MBNL2: variants seen among roughly 807,000 people sequenced by gnomAD.
The protein encoded by MBNL2 is muscleblind-like protein 2.
MBNL2 carries 17 observed loss-of-function variants against 41.9 expected under a neutral mutation model. The observed-to-expected ratio is 0.41, with a 90% confidence interval of 0.28 to 0.61. MBNL2 has a LOEUF of 0.61. Ranked by LOEUF, MBNL2 falls within the 20% of genes least tolerant of loss-of-function variation. MBNL2 has a pLI of 0.35. For synonymous variants in MBNL2, 195 were observed against 182.9 expected, an observed-to-expected ratio of 1.07 and a Z score of -0.53; for missense variants, 336 against 505.6, an observed-to-expected ratio of 0.66 and a Z score of 3.22.
intron 2 of MBNL2, among the ~76,000 whole-genome samples, chr13:97,322,492 G>A (rs772821803): frequency 6.6e-6 from 1 of 152,180 alleles, no homozygotes; most frequent in Non-Finnish European, 1.5e-5. Context: ...AATTGAATAT[G>A]TCATAAGTTG....
At chr13:97,319,169 G>T (rs966247804) in intron 2 of MBNL2, among the ~76,000 whole-genome samples, 2 of 152,148 alleles carry the variant, frequency 1.3e-5, no homozygotes, top group African/African-American at 4.8e-5. Flanking sequence ...CCTTGAACTT[G>T]GAGGCAAAAA....
intron 2 of MBNL2, among the ~76,000 whole-genome samples, chr13:97,290,811 G>A (rs2055784477): frequency 6.6e-6 from 1 of 152,188 alleles, no homozygotes; most frequent in South Asian, 2.1e-4. Context: ...TGTGATGGGG[G>A]AAGACTTTTG....
chr13:97,291,474 CT>C (rs2055958590), intron 2 of MBNL2, among the ~76,000 whole-genome samples: 1 of 152,120 alleles, frequency 6.6e-6, no homozygotes, highest in Non-Finnish European at 1.5e-5. Flanking sequence ...ATCCCCTGAC[CT>C]CGTGATCCGC....
At chr13:97,188,964 C>A in the MBNL2 span, among the ~76,000 whole-genome samples, 1 of 152,190 alleles carries the variant, frequency 6.6e-6, no homozygotes, top group African/African-American at 2.4e-5. Context: ...CCTTCTATTC[C>A]CGTTAACACC....
At chr13:97,372,272 A>T (rs185512496) in intron 8 of MBNL2, among the ~76,000 whole-genome samples, 106 of 152,268 alleles carry the variant, frequency 7.0e-4, no homozygotes, top group African/African-American at 2.4e-3. Context: ...CATCTCCAAA[A>T]ATGATCATTC....
chr13:97,168,369 G>A, the MBNL2 span, among the ~76,000 whole-genome samples: 1 of 152,032 alleles, frequency 6.6e-6, no homozygotes, highest in East Asian at 1.9e-4. Flanking sequence ...CATTTCCCTT[G>A]CGGCTCTCCA....
intron 8 of MBNL2, among the ~76,000 whole-genome samples, chr13:97,374,825 A>C (rs1453452674): frequency 6.6e-6 from 1 of 152,236 alleles, no homozygotes; most frequent in Non-Finnish European, 1.5e-5. Flanking sequence ...TCATTGGAGC[A>C]AAATGAATAT....
the MBNL2 span, among the ~76,000 whole-genome samples, chr13:97,144,676 G>A: frequency 6.6e-6 from 1 of 151,728 alleles, no homozygotes; most frequent in South Asian, 2.1e-4. Flanking sequence ...CAGGTAATCC[G>A]CCCACCTCAG....
intron 1 of MBNL2, among the ~76,000 whole-genome samples, chr13:97,249,215 A>G (rs1021683955): frequency 1.3e-5 from 2 of 152,148 alleles, no homozygotes; most frequent in South Asian, 4.1e-4. Context: ...TGAATTCCCT[A>G]TTTCTCAACT....
the MBNL2 span, among the ~76,000 whole-genome samples, chr13:97,182,345 G>A: frequency 6.6e-6 from 1 of 152,168 alleles, no homozygotes; most frequent in East Asian, 1.9e-4. Flanking sequence ...AGTTAGCACT[G>A]GTGACAGATA....
intron 1 of MBNL2, among the ~76,000 whole-genome samples, chr13:97,256,185 G>A (rs1176984476): frequency 2.0e-5 from 3 of 152,228 alleles, no homozygotes; most frequent in South Asian, 2.1e-4. Context: ...AGGACTAACA[G>A]ATAAATCTTT....
intron 1 of MBNL2, among the ~76,000 whole-genome samples, chr13:97,243,793 G>T (rs1400908486): frequency 2.0e-5 from 3 of 152,190 alleles, no homozygotes; most frequent in Non-Finnish European, 4.4e-5. Flanking sequence ...AGCATTATGT[G>T]GATGCAGAGA....
chr13:97,213,976 C>T, the MBNL2 span, among the ~76,000 whole-genome samples: 1 of 152,240 alleles, frequency 6.6e-6, no homozygotes, highest in Admixed American at 6.5e-5. Flanking sequence ...CTTCATCAGG[C>T]AGCAGGCTCA....
Position 97,366,769 on chromosome 13 carries a change from G to A in MBNL2, c.1048+1598G>A. ...ATGTAGCTATGTTTTGTGTTGCACT[G>A]TTTGTTTTCGTACCTAATATTGTGT... On this transcript the variant is annotated intron_variant, in intron 8 of 8. Coordinates refer to ENST00000679496, the MANE Select transcript of MBNL2 (RefSeq NM_001382683.1). This position sits in a 1 kb window ranked among gnomAD's most constrained non-coding sequence, Gnocchi z 4.7. 1 of 618,076 alleles carries A rather than the reference G, an allele frequency of 1.6e-6. No individual in the cohort carries two copies. The highest frequency in any genetic ancestry group is 1.7e-5 in the South Asian group (1 of 57,222). The allele number at this position is 618,076 out of a possible 1,614,324, so 38.3% of individuals were successfully genotyped here.
At chr13:97,228,639 CCTG>C (rs1236052145) in intron 1 of MBNL2, among the ~76,000 whole-genome samples, 1 of 150,560 alleles carries the variant, frequency 6.6e-6, no homozygotes, top group Non-Finnish European at 1.5e-5. Context: ...AAGCGATTCT[CCTG>C]CCTCAGCCTC....
chr13:97,288,706 A>G (rs1362340398), intron 2 of MBNL2, among the ~76,000 whole-genome samples: 2 of 152,138 alleles, frequency 1.3e-5, no homozygotes, highest in Non-Finnish European at 2.9e-5. Flanking sequence ...GTTTGATTCA[A>G]TTTCCTCTGG....
chr13:97,159,904 T>C, the MBNL2 span, among the ~76,000 whole-genome samples: 1 of 151,914 alleles, frequency 6.6e-6, no homozygotes, highest in Non-Finnish European at 1.5e-5. Flanking sequence ...GGAGTATCTT[T>C]GTGGCGTTCT....
In MBNL2 at chr13:97,348,074, ATT is replaced by A. The variant is rs71692187; in HGVS notation, c.804+1028_804+1029del. Among the ~76,000 whole-genome samples, 985 of 120,266 alleles carry A rather than the reference ATT, an allele frequency of 8.2e-3. 12 individuals are homozygous for A. The highest frequency in any genetic ancestry group is 0.023 in the African/African-American group (747 of 32,446). The allele number at this position is 120,266 out of a possible 152,430, so 78.9% of individuals were successfully genotyped here. A position where few individuals can be genotyped will look rare whatever the true frequency, so the allele number is the denominator to read the frequency against. ...GGTCTGGTGTGGTCTGGGCAGTGGG[ATT>A]TTTTTTTTTTTTTTTTTTTTAAGAC... is the stretch of plus-strand genomic sequence containing the variant. On this transcript the variant is annotated intron_variant, in intron 5 of 8. Coordinates refer to ENST00000679496, the MANE Select transcript of MBNL2 (RefSeq NM_001382683.1).
intron 2 of MBNL2, among the ~76,000 whole-genome samples, chr13:97,325,961 G>A (rs1301490937): frequency 6.7e-6 from 1 of 148,596 alleles, no homozygotes; most frequent in Non-Finnish European, 1.5e-5. Flanking sequence ...AAGCACCTGT[G>A]GTGGCCTGAA....
Sources: allele counts gnomAD v4.1 joint callset (sites outside exome capture counted in the v4.1 genomes callset), GRCh38; gene constraint gnomAD v4.1.1; non-coding constraint Gnocchi (gnomAD v3.1); transcripts MANE v1.5; gene names NCBI Gene and HGNC (gene_info 2026-07-23, HGNC 2026-07-21).